The following CSTF3 variants were observed in gnomAD, a reference collection of about 807,000 sequenced individuals.
The protein encoded by CSTF3 is CF-1 77 kDa subunit.
Under a neutral mutation model 105.8 loss-of-function variants are expected in CSTF3, and 29 were observed. That is an observed-to-expected ratio of 0.27 (90% CI 0.20 to 0.37). The LOEUF (loss-of-function observed/expected upper bound fraction) is 0.37. Ranked by LOEUF, CSTF3 falls within the 10% of genes least tolerant of loss-of-function variation. The probability of loss-of-function intolerance (pLI) is 1.00; values close to 1 mark genes in which losing one functional copy is unlikely to be tolerated. For missense variants in CSTF3, 357 were observed against 879.3 expected, an observed-to-expected ratio of 0.41 and a Z score of 7.51; for synonymous variants, 252 against 281.9, an observed-to-expected ratio of 0.89 and a Z score of 1.06.
At chr11:33,110,631 G>T (rs1443661552) in intron 3 of CSTF3, among the ~76,000 whole-genome samples, 1 of 152,152 alleles carries the variant, frequency 6.6e-6, no homozygotes, top group Non-Finnish European at 1.5e-5. Context: ...AATAGGCATA[G>T]AATATTAATA....
intron 13 of CSTF3, among the ~76,000 whole-genome samples, chr11:33,097,843 A>G (rs777247132): frequency 6.6e-6 from 1 of 152,164 alleles, no homozygotes; most frequent in Non-Finnish European, 1.5e-5. Flanking sequence ...ACAAATGACT[A>G]ATTAGTAGGG....
Position 33,096,961 on chromosome 11 carries a change from C to T in CSTF3, c.1146G>A (p.Met382Ile). The change falls in exon 14 of 21, where the codon ATG becomes ATA. Residue 382 changes from methionine to isoleucine, a missense_variant. Met to Ile is a conservative substitution (Grantham distance 10). Transcript: ENST00000323959. ...TGCCTTCTGCTCTCCGTGCAAATTT[C>T]ATATATTGGATATATACCTATGCAA... ...IDPTLVYIQY[M>I]KFARRAEGIK... 3.1e-6 allele frequency: 5 copies of T among 1,606,092 alleles called. No individual in the cohort carries two copies. The highest frequency in any genetic ancestry group is 4.3e-6 in the Non-Finnish European group (5 of 1,174,320).
In CSTF3 at chr11:33,161,356, C is replaced by T; in HGVS notation, c.-31G>A. 2 of 1,611,362 alleles carry T rather than the reference C, an allele frequency of 1.2e-6. No individual in the cohort carries two copies. The highest frequency in any genetic ancestry group is 8.5e-7 in the Non-Finnish European group (1 of 1,179,722). ...CAGCTGATTACAACGTGCGCACTGA[C>T]CGTCGATGGGAAGCTAGAAAAGAAA... On this transcript the variant is annotated 5_prime_UTR_variant, in exon 1 of 21. Transcript: ENST00000323959.
chr11:33,118,702 C>T (rs1397466456), intron 3 of CSTF3, among the ~76,000 whole-genome samples: 1 of 150,996 alleles, frequency 6.6e-6, no homozygotes, highest in Non-Finnish European at 1.5e-5. Flanking sequence ...TGAGACGCTC[C>T]AGCTATCAGG....
intron 5 of CSTF3, 59 bp downstream of exon 5, chr11:33,107,844 G>A (rs1023284696): frequency 3.1e-6 from 3 of 967,524 alleles, no homozygotes; most frequent in African/African-American, 1.7e-5. Context: ...GTGAGTTTAT[G>A]TGGGATTAAC....
At chr11:33,156,338 C>T (rs1048908184) in intron 1 of CSTF3, among the ~76,000 whole-genome samples, 1 of 152,134 alleles carries the variant, frequency 6.6e-6, no homozygotes, top group African/African-American at 2.4e-5. Flanking sequence ...ATATATGCAC[C>T]TTGACTAAAA....
intron 3 of CSTF3, among the ~76,000 whole-genome samples, chr11:33,133,341 T>C (rs1284841327): frequency 1.3e-5 from 2 of 152,210 alleles, no homozygotes; most frequent in Non-Finnish European, 2.9e-5. Context: ...TCTCAAATTA[T>C]CTCCCCATTA....
chr11:33,156,289 CAT>C lies in CSTF3; in HGVS notation c.27+5008_27+5009del, dbSNP rs199654034. On this transcript the variant is annotated intron_variant, in intron 1 of 20. Transcript: ENST00000323959. ...CCAAAAAAACACATTGTCCAACACA[CAT>C]AGTTGGCTCTTTCTCTGCCTCTTCT... 8.9e-3 allele frequency among the ~76,000 whole-genome samples: 1,360 copies of C among 152,284 alleles called. 5 individuals carry two copies. The highest frequency in any genetic ancestry group is 0.013 in the Non-Finnish European group (883 of 68,016).
chr11:33,100,881 AGATT>A (rs1855274595), intron 10 of CSTF3, among the ~76,000 whole-genome samples: 1 of 152,228 alleles, frequency 6.6e-6, no homozygotes, highest in Non-Finnish European at 1.5e-5. Context: ...CAGCAAGGCA[AGATT>A]GAGGAATTCA....
At chr11:33,088,193 A>G (rs1431249341) in intron 17 of CSTF3, among the ~76,000 whole-genome samples, 4 of 150,056 alleles carry the variant, frequency 2.7e-5, no homozygotes, top group Non-Finnish European at 1.5e-5. Context: ...ACAGAAGCAC[A>G]TTAATCCTTC....
chr11:33,087,156 C>G lies in CSTF3; in HGVS notation c.1642-15G>C, dbSNP rs1203533636. The G allele has an allele frequency of 1.2e-6, 2 of 1,613,398 alleles. No individual in the cohort carries two copies. The highest frequency in any genetic ancestry group is 1.7e-4 in the Middle Eastern group (1 of 6,054). On this transcript the variant is annotated splice_polypyrimidine_tract_variant and intron_variant, in intron 17 of 20. Transcript: ENST00000323959. ...CGGGAGACATCCTGAAAATGCAGAA[C>G]AGAAGAATCCTAAACCTGAAAAAGG...
chr11:33,141,839 G>GT, intron 2 of CSTF3, 46 bp downstream of exon 2: 2 of 1,572,090 alleles, frequency 1.3e-6, no homozygotes, highest in Non-Finnish European at 1.7e-6. Flanking sequence ...ACCAAGTAGT[G>GT]TGATTGGACC....
At position 33,112,156 on chromosome 11, in the gene CSTF3, A is replaced by G. The variant is rs532558713; in HGVS notation, c.226-3738T>C. On this transcript the variant is annotated intron_variant, in intron 3 of 20. Coordinates refer to ENST00000323959, the MANE Select transcript of CSTF3 (RefSeq NM_001326.3). ...GTAATTCCAGCTACTCAGGAGGCTGAGGCAGGAGAATCACTTGAACCCAGG... is the reference window on the plus strand; with the variant it reads ...GTAATTCCAGCTACTCAGGAGGCTGGGGCAGGAGAATCACTTGAACCCAGG... Among the ~76,000 whole-genome samples the G allele has an allele frequency of 1.2e-4, 19 of 152,188 alleles. 2 individuals carry two copies. Among genetic ancestry groups the G allele is most frequent in the African/African-American group, 4.6e-4 (19 of 41,522 alleles).
At chr11:33,156,297 GCT>G (rs1250612868) in intron 1 of CSTF3, among the ~76,000 whole-genome samples, 3 of 152,098 alleles carry the variant, frequency 2.0e-5, no homozygotes, top group Non-Finnish European at 4.4e-5. Flanking sequence ...CACATAGTTG[GCT>G]CTTTCTCTGC....
chr11:33,123,196 A>C (rs888158420), intron 3 of CSTF3, among the ~76,000 whole-genome samples: 2 of 151,852 alleles, frequency 1.3e-5, no homozygotes, highest in African/African-American at 2.4e-5. Context: ...GAAAAAAAAA[A>C]ACAAAAAAAT....
chr11:33,143,183 G>A (rs1042163773), intron 1 of CSTF3, among the ~76,000 whole-genome samples: 5 of 152,166 alleles, frequency 3.3e-5, no homozygotes, highest in African/African-American at 1.2e-4. Flanking sequence ...CAATTAAAGA[G>A]ATTTTTAAAA....
At chr11:33,155,913 G>C (rs1849859926) in intron 1 of CSTF3, among the ~76,000 whole-genome samples, 1 of 152,050 alleles carries the variant, frequency 6.6e-6, no homozygotes. Context: ...TTGTCCAATA[G>C]GTAAAAACAC....
chr11:33,133,867 A>G (rs1228072180), intron 3 of CSTF3, among the ~76,000 whole-genome samples: 1 of 152,214 alleles, frequency 6.6e-6, no homozygotes, highest in African/African-American at 2.4e-5. Context: ...AGGAATGACA[A>G]TTATATAATG....
chr11:33,114,705 G>C (rs1050456550), intron 3 of CSTF3, among the ~76,000 whole-genome samples: 1 of 152,028 alleles, frequency 6.6e-6, no homozygotes, highest in Non-Finnish European at 1.5e-5. Context: ...ACAAAAATTA[G>C]CTGGGCATGG....
Sources: gnomAD v4.1 joint callset for allele counts (sites outside exome capture counted in the v4.1 genomes callset) on GRCh38, gnomAD v4.1.1 for gene constraint, MANE v1.5 for transcripts, NCBI Gene and HGNC (gene_info 2026-07-23, HGNC 2026-07-21) for gene names.